ZNF568: variants seen among roughly 807,000 people sequenced by gnomAD.
ZNF568 encodes the protein zinc finger protein 568.
In ZNF568, 11 loss-of-function variants were observed where a neutral mutation model predicts 18.1. The observed-to-expected ratio is 0.61, with a 90% CI of 0.38 to 1.00. ZNF568 has a LOEUF of 1.00. Among genes scored for constraint, ZNF568 ranks in the 50% least tolerant of loss-of-function variants. The pLI is 0.01. For synonymous variants in ZNF568, 213 were observed against 246.6 expected (o/e 0.86, Z 1.28); for missense variants, 639 against 768.2 (o/e 0.83, Z 1.99).
At chr19:36,927,903 ATTTTTTTTTTTTTTT>A (rs71177414) in intron 4 of ZNF568, among the ~76,000 whole-genome samples, 3 of 26,604 alleles carry the variant, frequency 1.1e-4, no homozygotes, top group Admixed American at 7.2e-4. Context: ...ATATATATAT[ATTTTTTTTTTTTTTT>A]TTTTTTTTTT....
chr19:36,929,000 T>C (rs1000966340), intron 4 of ZNF568, among the ~76,000 whole-genome samples: 3 of 152,048 alleles, frequency 2.0e-5, no homozygotes, highest in Admixed American at 6.6e-5. Context: ...TTGAGCCGAG[T>C]CTAGAATACA....
chr19:36,983,703 G>A (rs1045326803), downstream of ZNF568, among the ~76,000 whole-genome samples: 55 of 151,912 alleles, frequency 3.6e-4, no homozygotes, highest in African/African-American at 1.2e-3. Flanking sequence ...ATTAGGGTTC[G>A]TCTATTAGAG....
intron 4 of ZNF568, among the ~76,000 whole-genome samples, chr19:36,928,297 A>G (rs1246352551): frequency 6.6e-6 from 1 of 152,120 alleles, no homozygotes; most frequent in Non-Finnish European, 1.5e-5. Context: ...TTCAAGAGAA[A>G]AACAATCAGA....
At position 36,950,292 on chromosome 19, in the gene ZNF568, AT is replaced by A; in HGVS notation, c.1140del (p.His380GlnfsTer2). On this transcript the variant is annotated frameshift_variant, in exon 7 of 7. Transcript: ENST00000333987. LOFTEE classifies it low-confidence loss of function (END_TRUNC). ...TCTCGAATGTCATCTGTTACGCTAC[AT>A]ATGAGAAGTCACACAGGGGAGAAAC... The part of the protein sequence containing the change: ...AFSRMSSVTL[H>X]MRSHTGEKPY... The A allele has an allele frequency of 6.2e-7, 1 of 1,614,076 alleles. No individual in the cohort carries two copies. Among genetic ancestry groups the A allele is most frequent in the Non-Finnish European group, 8.5e-7 (1 of 1,180,004 alleles).
At chr19:36,945,107 A>G (rs943104426) in intron 6 of ZNF568, among the ~76,000 whole-genome samples, 3 of 151,932 alleles carry the variant, frequency 2.0e-5, no homozygotes, top group Admixed American at 1.3e-4. Flanking sequence ...CAGAGAAGTC[A>G]TGGTTTCAGT....
downstream of ZNF568, among the ~76,000 whole-genome samples, chr19:36,955,252 GT>G (rs2074099188): frequency 8.0e-5 from 12 of 149,636 alleles, no homozygotes; most frequent in Admixed American, 8.0e-4. Flanking sequence ...AATGTTTTTT[GT>G]TTGTTTGTTT....
downstream of ZNF568, among the ~76,000 whole-genome samples, chr19:36,982,026 C>A (rs539580618): frequency 1.5e-3 from 223 of 151,802 alleles, no homozygotes; most frequent in Non-Finnish European, 2.5e-3. Context: ...TTGCTTAACT[C>A]TTATTTATTC....
At chr19:36,953,330 A>T (rs1312836126), downstream of ZNF568, among the ~76,000 whole-genome samples, 2 of 152,212 alleles carry the variant, frequency 1.3e-5, no homozygotes, top group Non-Finnish European at 2.9e-5. Context: ...TTGAAATGAG[A>T]AATCATTTAT....
chr19:36,964,906 C>A (rs1057342604), intron 6 of ZNF568, among the ~76,000 whole-genome samples: 1 of 152,014 alleles, frequency 6.6e-6, no homozygotes, highest in African/African-American at 2.4e-5. Context: ...GTGACTGATA[C>A]CTCCAGTGTT....
intron 7 of ZNF568, among the ~76,000 whole-genome samples, chr19:36,975,542 C>A (rs528544442): frequency 6.6e-6 from 1 of 151,946 alleles, no homozygotes. Context: ...CATGCCACCA[C>A]GCCCAGCTAA....
At chr19:36,989,449 C>A (rs986973675) in intron 2 of ZNF568, among the ~76,000 whole-genome samples, 10 of 152,332 alleles carry the variant, frequency 6.6e-5, no homozygotes, top group African/African-American at 2.4e-4. Context: ...TCTCAAAGTG[C>A]TGGGATTTAC....
At chr19:36,943,202 T>A (rs1364017772) in intron 6 of ZNF568, among the ~76,000 whole-genome samples, 1 of 152,240 alleles carries the variant, frequency 6.6e-6, no homozygotes, top group African/African-American at 2.4e-5. Flanking sequence ...CTTACAGACA[T>A]AATTGAGATT....
In ZNF568 at chr19:36,950,020, GA is replaced by G; in HGVS notation, c.868del (p.Met290CysfsTer92). ...CNECGKAFIQ[M>X]SNLIRHHRIH... The stretch of plus-strand genomic sequence containing the variant: ...ATGAATGTGGAAAAGCTTTCATTCA[GA>G]TGTCAAACCTTATTAGACACCACAG... On this transcript the variant is annotated frameshift_variant, in exon 7 of 7. Coordinates refer to ENST00000333987, the MANE Select transcript of ZNF568 (RefSeq NM_198539.4). LOFTEE classifies it low-confidence loss of function (END_TRUNC). The G allele has an allele frequency of 1.2e-6, 2 of 1,613,794 alleles. No individual in the cohort carries two copies. The highest frequency in any genetic ancestry group is 1.7e-6 in the Non-Finnish European group (2 of 1,179,906).
intron 6 of ZNF568, among the ~76,000 whole-genome samples, chr19:36,965,512 C>T (rs930947593): frequency 3.9e-5 from 6 of 152,076 alleles, no homozygotes; most frequent in Non-Finnish European, 5.9e-5. Context: ...TTATAGAAGG[C>T]CGAATACACT....
intron 2 of ZNF568, among the ~76,000 whole-genome samples, chr19:36,919,260 C>T (rs573294): frequency 0.41 from 62,012 of 151,822 alleles, 13,102 homozygotes; most frequent in Non-Finnish European, 0.44. Flanking sequence ...AAAATAAGTC[C>T]TTGTTTTCAT....
At chr19:36,917,817 C>G (rs2073371936) in intron 2 of ZNF568, among the ~76,000 whole-genome samples, 169 bp downstream of exon 2, 1 of 152,200 alleles carries the variant, frequency 6.6e-6, no homozygotes, top group African/African-American at 2.4e-5. Context: ...CTGCTATTAT[C>G]CTTTTTTAAT....
chr19:36,995,358 C>T (rs60561021), intron 4 of ZNF568, among the ~76,000 whole-genome samples: 1,997 of 152,206 alleles, frequency 0.013, 47 homozygotes, highest in African/African-American at 0.045. Context: ...GAGATCACGT[C>T]ATTGCACTCC....
Position 36,948,658 on chromosome 19 carries a change from A to ATTTTTTTTTTTTTTTT in ZNF568, c.359-844_359-829dup, listed in dbSNP as rs4069585. Among the ~76,000 whole-genome samples the ATTTTTTTTTTTTTTTT allele has an allele frequency of 7.8e-4, 65 of 83,552 alleles. 1 individual carries two copies. The highest frequency in any genetic ancestry group is 9.1e-3 in the Middle Eastern group (1 of 110). The allele number at this position is 83,552 out of a possible 152,430, so 54.8% of individuals were successfully genotyped here. The stretch of plus-strand genomic sequence containing the variant: ...TTGCAGCAGGGGTTTTTTGTTGTTG[A>ATTTTTTTTTTTTTTTT]TTTTTTTTTTTTTTTTTTTTTTTTT... On this transcript the variant is annotated intron_variant, in intron 6 of 6. Coordinates refer to ENST00000333987, the MANE Select transcript of ZNF568 (RefSeq NM_198539.4).
intron 3 of ZNF568, among the ~76,000 whole-genome samples, chr19:36,923,422 TA>T (rs2073491507): frequency 6.6e-6 from 1 of 152,016 alleles, no homozygotes; most frequent in East Asian, 1.9e-4. Flanking sequence ...TCTTTTGGGC[TA>T]GTCAGTTTCC....
Sources: gnomAD v4.1 joint callset for allele counts (sites outside exome capture counted in the v4.1 genomes callset) on GRCh38, gnomAD v4.1.1 for gene constraint, MANE v1.5 for transcripts, NCBI Gene and HGNC (gene_info 2026-07-23, HGNC 2026-07-21) for gene names.